Variants in REEP5 observed in about 807,000 individuals in gnomAD.
REEP5 encodes receptor accessory protein 5.
A neutral mutation model predicts 22.4 loss-of-function variants in REEP5; 24 were observed. That is an observed-to-expected ratio of 1.07 (90% CI 0.78 to 1.51). The LOEUF (loss-of-function observed/expected upper bound fraction) is 1.51, where lower values mean the gene tolerates loss of function less well. REEP5 is among the 40% of genes most tolerant of loss of function. The pLI is 0.00. For synonymous variants in REEP5, 103 were observed against 88.6 expected (o/e 1.16, Z -0.92); for missense variants, 252 against 233.0 (o/e 1.08, Z -0.53).
At position 112,922,174 on chromosome 5, in the gene REEP5, C is replaced by G. The variant is rs369235941; in HGVS notation, c.17G>C (p.Arg6Thr). The change falls in exon 1 of 5, where the codon AGG (arginine) becomes ACG (threonine). Residue 6 changes from arginine to threonine, a missense_variant. By Grantham distance (71) the Arg-to-Thr change is moderately conservative. Coordinates refer to ENST00000379638, the MANE Select transcript of REEP5 (RefSeq NM_005669.5). MSAAM[R>T]ERFDRFLHEK... ...GTGCAGGAACCGGTCGAACCTCTCC[C>G]TCATGGCCGCAGACATGGCGGGGAC... The G allele has an allele frequency of 4.0e-5, 64 of 1,607,376 alleles. No homozygotes were observed. The highest frequency in any genetic ancestry group is 5.4e-5 in the Non-Finnish European group (64 of 1,177,142).
At chr5:112,904,504 C>G (rs1768913105) in intron 2 of REEP5, among the ~76,000 whole-genome samples, 1 of 152,200 alleles carries the variant, frequency 6.6e-6, no homozygotes, top group Non-Finnish European at 1.5e-5. Context: ...CAACTATGTA[C>G]TTCCAAAAGA....
chr5:112,907,584 A>G (rs1282012550), intron 2 of REEP5, among the ~76,000 whole-genome samples: 1 of 152,250 alleles, frequency 6.6e-6, no homozygotes, highest in Non-Finnish European at 1.5e-5. Context: ...CAGCTCTAAA[A>G]TTAATCGAGC....
At chr5:112,890,334 G>A (rs1768398699) in intron 3 of REEP5, among the ~76,000 whole-genome samples, 1 of 147,354 alleles carries the variant, frequency 6.8e-6, no homozygotes, top group African/African-American at 2.6e-5. Flanking sequence ...CTAGAAATTA[G>A]TAAGAATACA....
chr5:112,884,152 G>A (rs1442433756), intron 4 of REEP5, among the ~76,000 whole-genome samples: 1 of 152,106 alleles, frequency 6.6e-6, no homozygotes, highest in African/African-American at 2.4e-5. Flanking sequence ...TTTTGCTTCT[G>A]TGGTTAAAAG....
At chr5:112,895,741 T>C (rs911947525) in intron 3 of REEP5, 1 of 152,200 alleles carries the variant, frequency 6.6e-6, no homozygotes, top group African/African-American at 2.4e-5. Context: ...TACAACCCTC[T>C]CTTCTTAATC....
rs1182738493 is a variant in REEP5, at chr5:112,921,309, G to A, written c.119-53C>T. On this transcript the variant is annotated intron_variant, in intron 1 of 4. Transcript: ENST00000379638. ...CGGGCAGCATGAGAGCCGTTCACGCGGGACAGCCGCCGCCCACACCGCGAG... is the reference window on the plus strand; with the variant it reads ...CGGGCAGCATGAGAGCCGTTCACGCAGGACAGCCGCCGCCCACACCGCGAG... The A allele has an allele frequency of 2.6e-6, 4 of 1,560,564 alleles. No homozygotes were observed. The South Asian group carries it at 3.4e-5, about 13-fold the overall frequency.
intron 4 of REEP5, chr5:112,885,348 G>A: frequency 5.7e-6 from 1 of 175,546 alleles, no homozygotes; most frequent in Non-Finnish European, 1.2e-5. Context: ...AAAAACTTTT[G>A]CTAGAAAATC....
intron 2 of REEP5, 116 bp downstream of exon 2, chr5:112,921,047 C>A: frequency 1.0e-6 from 1 of 1,003,870 alleles, no homozygotes; most frequent in Admixed American, 2.2e-5. Context: ...AACCTCATCC[C>A]TCCCCGCCGA....
chr5:112,897,351 TCACACACACACA>T lies in REEP5; in HGVS notation c.351+5017_351+5028del, dbSNP rs34612314. The T allele has an allele frequency of 6.3e-4, 62 of 97,818 alleles. 2 individuals are homozygous for T. Among genetic ancestry groups the T allele is most frequent in the Admixed American group, 2.1e-3 (23 of 10,990 alleles). The allele number at this position is 97,818 out of a possible 1,614,324, so 6.1% of individuals were successfully genotyped here. On this transcript the variant is annotated intron_variant, in intron 3 of 4. Coordinates refer to ENST00000379638, the MANE Select transcript of REEP5 (RefSeq NM_005669.5). The stretch of plus-strand genomic sequence containing the variant: ...TCCTCCCTACATAAAACACATCCCA[TCACACACACACA>T]CACACACACACACACACACACACAC...
intron 4 of REEP5, chr5:112,885,328 G>T: frequency 5.6e-6 from 1 of 177,700 alleles, no homozygotes; most frequent in East Asian, 1.9e-4. Context: ...GGTAGATTTA[G>T]AACAGAACCA....
intron 3 of REEP5, among the ~76,000 whole-genome samples, chr5:112,888,181 C>T (rs1361622994): frequency 1.3e-5 from 2 of 150,212 alleles, no homozygotes; most frequent in African/African-American, 4.9e-5. Context: ...AAGTCTTAGT[C>T]CTTATGATTC....
Position 112,877,907 on chromosome 5 carries a change from G to A in REEP5, c.*879C>T, listed in dbSNP as rs2150031767. 3 of 152,202 alleles carry A rather than the reference G, an allele frequency of 2.0e-5. 1 individual carries two copies. The South Asian group carries it at 6.2e-4, about 31-fold the overall frequency. The allele number at this position is 152,202 out of a possible 1,614,324, so 9.4% of individuals were successfully genotyped here. A position where few individuals can be genotyped will look rare whatever the true frequency, so the allele number is the denominator to read the frequency against. Reference sequence around the variant, plus strand: ...TTTCCATTGTAGCATCTTGACAATAGACAAATATGTAAAGTTTATAGCAGA... The same window carrying A: ...TTTCCATTGTAGCATCTTGACAATAAACAAATATGTAAAGTTTATAGCAGA... On this transcript the variant is annotated 3_prime_UTR_variant, in exon 5 of 5. Transcript: ENST00000379638.
chr5:112,921,347 G>A (rs1769360218), intron 1 of REEP5, 91 bp from the exon 2 acceptor site: 5 of 1,242,406 alleles, frequency 4.0e-6, no homozygotes, highest in Non-Finnish European at 4.7e-6. Flanking sequence ...TGGGCCTGTT[G>A]TAGGAGTTTT....
chr5:112,881,192 T>TA (rs968010565), intron 4 of REEP5, among the ~76,000 whole-genome samples: 9 of 147,518 alleles, frequency 6.1e-5, no homozygotes, highest in Admixed American at 2.7e-4. Flanking sequence ...GGCTACAAGT[T>TA]AAAAAATACC....
chr5:112,908,726 T>C (rs446567), intron 2 of REEP5, among the ~76,000 whole-genome samples: 54,171 of 151,756 alleles, frequency 0.36, 9,999 homozygotes, highest in African/African-American at 0.46. Context: ...AGCTAATTTT[T>C]TGTATTTTTT....
At chr5:112,906,398 C>T (rs1007373642) in intron 2 of REEP5, among the ~76,000 whole-genome samples, 2 of 152,184 alleles carry the variant, frequency 1.3e-5, no homozygotes, top group Non-Finnish European at 2.9e-5. Context: ...TAGCACTCAG[C>T]AAAATGTCCG....
At chr5:112,878,933 A>G in intron 4 of REEP5, 98 bp from the exon 5 acceptor site, 1 of 1,581,336 alleles carries the variant, frequency 6.3e-7, no homozygotes, top group East Asian at 2.2e-5. Context: ...CTAGATAACA[A>G]AACTTGGATG....
intron 3 of REEP5, among the ~76,000 whole-genome samples, chr5:112,902,080 A>G (rs1580747079): frequency 6.6e-6 from 1 of 152,060 alleles, no homozygotes; most frequent in East Asian, 1.9e-4. Context: ...GGAGTGATGG[A>G]GCTTCCTATA....
At chr5:112,886,252 C>T (rs1040544429) in intron 4 of REEP5, among the ~76,000 whole-genome samples, 1 of 152,194 alleles carries the variant, frequency 6.6e-6, no homozygotes. Flanking sequence ...CATAGATAAC[C>T]CCAAGTATTG....
Sources: allele counts gnomAD v4.1 joint callset (sites outside exome capture counted in the v4.1 genomes callset), GRCh38; gene constraint gnomAD v4.1.1; transcripts MANE v1.5; gene names NCBI Gene and HGNC (gene_info 2026-07-23, HGNC 2026-07-21).